Variants in RAD51B observed in about 807,000 individuals in gnomAD.
The protein encoded by RAD51B is RAD51 paralog B.
RAD51B carries 38 observed loss-of-function variants against 42.2 expected under a neutral mutation model. That is an observed-to-expected ratio of 0.90 (90% CI 0.70 to 1.18). The LOEUF (loss-of-function observed/expected upper bound fraction) is 1.18, where lower values mean the gene tolerates loss of function less well. RAD51B is among the 50% of genes most tolerant of loss of function. The pLI, the probability that RAD51B is intolerant of heterozygous loss-of-function variation, is 0.00. For synonymous variants in RAD51B, 154 were observed against 145.2 expected (o/e 1.06, Z -0.43); for missense variants, 373 against 400.7 (o/e 0.93, Z 0.59).
In RAD51B at chr14:67,965,344, C is replaced by G. The variant is rs1046940671; in HGVS notation, c.756+78140C>G. On this transcript the variant is annotated intron_variant, in intron 7 of 10. Coordinates refer to ENST00000471583, the MANE Select transcript of RAD51B (RefSeq NM_133510.4). ...TTTGACTTTGTTTGTACTCTTCCCT[C>G]CATTCTCCTAGCCATTGCCCTGTTT... is the stretch of plus-strand genomic sequence containing the variant. 6.6e-5 allele frequency among the ~76,000 whole-genome samples: 10 copies of G among 152,164 alleles called. No individual in the cohort carries two copies. In the East Asian group the frequency reaches 1.9e-3, roughly 29 times the overall value.
downstream of RAD51B, chr14:68,596,149 G>A: frequency 3.9e-6 from 2 of 508,194 alleles, no homozygotes; most frequent in Non-Finnish European, 5.1e-6. Flanking sequence ...TGGGGCAAGA[G>A]GCACAGAATA....
intron 7 of RAD51B, among the ~76,000 whole-genome samples, chr14:68,081,547 A>C (rs2076911942): frequency 6.6e-6 from 1 of 152,246 alleles, no homozygotes. Flanking sequence ...TGTACTTCCT[A>C]ATTTATTTAT....
intron 7 of RAD51B, among the ~76,000 whole-genome samples, chr14:68,192,093 G>C (rs565044541): frequency 6.6e-6 from 1 of 152,258 alleles, no homozygotes; most frequent in South Asian, 2.1e-4. Flanking sequence ...TTTTAACCCA[G>C]ACATCTCTCT....
intron 10 of RAD51B, among the ~76,000 whole-genome samples, chr14:68,550,649 T>G (rs935462829): frequency 6.6e-6 from 1 of 152,218 alleles, no homozygotes; most frequent in Non-Finnish European, 1.5e-5. Context: ...CTGCAAATGT[T>G]GTTTCATGGT....
chr14:67,898,160 A>G (rs2043486214), intron 7 of RAD51B, among the ~76,000 whole-genome samples: 1 of 152,234 alleles, frequency 6.6e-6, no homozygotes, highest in African/African-American at 2.4e-5. Flanking sequence ...TAGCTAAGTC[A>G]TGGAAGCAAT....
intron 7 of RAD51B, among the ~76,000 whole-genome samples, chr14:67,948,728 G>A (rs552684524): frequency 2.0e-5 from 3 of 151,708 alleles, no homozygotes; most frequent in African/African-American, 4.8e-5. Context: ...TCAGGAGATC[G>A]AGACCATCCT....
intron 7 of RAD51B, among the ~76,000 whole-genome samples, chr14:68,205,600 T>G (rs1319319725): frequency 6.6e-6 from 1 of 151,434 alleles, no homozygotes; most frequent in Non-Finnish European, 1.5e-5. Context: ...TGTGTTGTTT[T>G]CTTTTCTTTT....
At chr14:68,469,736 G>A (rs2086074772) in intron 10 of RAD51B, among the ~76,000 whole-genome samples, 1 of 152,208 alleles carries the variant, frequency 6.6e-6, no homozygotes, top group African/African-American at 2.4e-5. Flanking sequence ...TAGAAGTATA[G>A]TAAGTAGCAA....
At chr14:68,312,686 A>T (rs576951966) in intron 8 of RAD51B, among the ~76,000 whole-genome samples, 53 of 152,140 alleles carry the variant, frequency 3.5e-4, no homozygotes, top group Non-Finnish European at 7.1e-4. Context: ...TCAAACTTTA[A>T]ATGTTTCTCT....
chr14:68,000,071 CAG>C (rs1449902916), intron 7 of RAD51B, among the ~76,000 whole-genome samples: 1 of 152,034 alleles, frequency 6.6e-6, no homozygotes, highest in Non-Finnish European at 1.5e-5. Context: ...AAAGAACAAA[CAG>C]AAAGTCTAAC....
intron 8 of RAD51B, among the ~76,000 whole-genome samples, chr14:68,335,202 C>A (rs1203924169): frequency 6.8e-6 from 1 of 146,964 alleles, no homozygotes; most frequent in African/African-American, 2.5e-5. Flanking sequence ...GAAGCTGAAG[C>A]AGGAGTATCG....
chr14:68,358,531 A>AAT (rs1566831114), intron 8 of RAD51B, among the ~76,000 whole-genome samples: 1 of 152,178 alleles, frequency 6.6e-6, no homozygotes, highest in Admixed American at 6.5e-5. Context: ...CACTGCAGCT[A>AAT]ATTTTTTTTC....
At chr14:68,283,139 A>C (rs35906794) in intron 7 of RAD51B, among the ~76,000 whole-genome samples, 1 of 152,186 alleles carries the variant, frequency 6.6e-6, no homozygotes, top group Non-Finnish European at 1.5e-5. Flanking sequence ...GTGTCTTTCT[A>C]ATCCTCCTTG....
intron 9 of RAD51B, among the ~76,000 whole-genome samples, chr14:68,465,437 G>A (rs2085950483): frequency 6.6e-6 from 1 of 152,070 alleles, no homozygotes; most frequent in South Asian, 2.1e-4. Context: ...CTAGAACCTG[G>A]CTACTCAAAA....
At chr14:67,826,845 A>G (rs1484337448) in intron 3 of RAD51B, among the ~76,000 whole-genome samples, 2 of 151,990 alleles carry the variant, frequency 1.3e-5, no homozygotes, top group Non-Finnish European at 2.9e-5. Context: ...ACCATGCCCA[A>G]CTACGTTTTG....
chr14:68,667,338 C>T (rs1893052442), intron 11 of RAD51B, among the ~76,000 whole-genome samples: 1 of 152,244 alleles, frequency 6.6e-6, no homozygotes. Context: ...TTCAGGAAAC[C>T]TCAGCCTTTG....
chr14:67,890,937 G>A (rs1014942107), intron 7 of RAD51B, among the ~76,000 whole-genome samples: 1 of 151,852 alleles, frequency 6.6e-6, no homozygotes, highest in African/African-American at 2.4e-5. Flanking sequence ...CCATTCCAGA[G>A]TTTTATAAGT....
rs568456563 is a variant in RAD51B, at chr14:68,651,266, A to C, written c.*11+410A>C. 6.2e-4 allele frequency among the ~76,000 whole-genome samples: 94 copies of C among 152,254 alleles called. 1 individual carries two copies. Among genetic ancestry groups the C allele is most frequent in the Non-Finnish European group, 1.1e-3 (74 of 68,018 alleles). On this transcript the variant is annotated intron_variant, in intron 11 of 11. Coordinates refer to the RAD51B transcript ENST00000488612. ...GGCTCACTGCAACCTCCACTCCCCC[A>C]GGCTCAGGTGGTCCTCACACCTCAA...
At chr14:68,455,694 T>C (rs1272790914) in intron 9 of RAD51B, among the ~76,000 whole-genome samples, 1 of 152,142 alleles carries the variant, frequency 6.6e-6, no homozygotes, top group Admixed American at 6.5e-5. Context: ...CACTCCAGCC[T>C]GGGTGACAGA....
Sources: gnomAD v4.1 joint callset for allele counts (sites outside exome capture counted in the v4.1 genomes callset) on GRCh38, gnomAD v4.1.1 for gene constraint, MANE v1.5 for transcripts, NCBI Gene and HGNC (gene_info 2026-07-23, HGNC 2026-07-21) for gene names.